P2RY6: variants seen among roughly 807,000 people sequenced by gnomAD.
P2RY6 encodes the protein pyrimidinergic receptor P2Y6, also known as P2Y purinoceptor 6.
P2RY6 carries 19 observed loss-of-function variants against 16.3 expected under a neutral mutation model. The ratio of observed to expected loss-of-function variants is 1.16; its 90% CI spans 0.81 to 1.71. The LOEUF is 1.71. P2RY6 is among the 40% of genes most tolerant of loss of function. The probability of loss-of-function intolerance (pLI) is 0.00; values close to 1 mark genes in which losing one functional copy is unlikely to be tolerated. For synonymous variants in P2RY6, 184 were observed against 201.5 expected (o/e 0.91, Z 0.74); for missense variants, 389 against 455.5 (o/e 0.85, Z 1.33).
At position 73,293,227 on chromosome 11, in the gene P2RY6, GCT is replaced by G. The variant is rs560181292; in HGVS notation, c.-120-2498_-120-2497del. Among the ~76,000 whole-genome samples, 178 of 152,300 alleles carry G rather than the reference GCT, an allele frequency of 1.2e-3. 1 individual carries two copies. Among genetic ancestry groups the G allele is most frequent in the African/African-American group, 4.2e-3 (173 of 41,566 alleles). On this transcript the variant is annotated intron_variant, in intron 1 of 2. Transcript: ENST00000540124. ...ATGGGGAGGCTGGAAAGGGATTCTG[GCT>G]CTCTGGCTGCCACTGGCTGTGTGGG... is the stretch of plus-strand genomic sequence containing the variant.
At chr11:73,290,303 A>AAAGAAAGAAAGAAAGAAAGAAAG (rs1260016714) in intron 1 of P2RY6, among the ~76,000 whole-genome samples, 1 of 113,042 alleles carries the variant, frequency 8.8e-6, no homozygotes, top group Non-Finnish European at 1.8e-5. Flanking sequence ...AGAAAGAAAG[A>AAAGAAAGAAAGAAAGAAAGAAAG]AAAGAAAGAA....
In P2RY6 at chr11:73,272,935, C is replaced by T. The variant is rs577544532; in HGVS notation, c.-121+469C>T. Among the ~76,000 whole-genome samples, 7 of 152,162 alleles carry T rather than the reference C, an allele frequency of 4.6e-5. No homozygotes were observed. In the South Asian group the frequency reaches 1.5e-3, roughly 32 times the overall value. On this transcript the variant is annotated intron_variant, in intron 1 of 2. Coordinates refer to ENST00000540124, the MANE Select transcript of P2RY6 (RefSeq NM_001277204.2). ...TCCTCACGGAGGAGGCTGGGCCCTGCCCTCAGAGCTCCCCAGGAACTTTGG... is the reference window on the plus strand; with the variant it reads ...TCCTCACGGAGGAGGCTGGGCCCTGTCCTCAGAGCTCCCCAGGAACTTTGG...
intron 1 of P2RY6, among the ~76,000 whole-genome samples, chr11:73,290,402 C>A (rs1864193912): frequency 6.6e-6 from 1 of 151,994 alleles, no homozygotes; most frequent in Admixed American, 6.5e-5. Context: ...AGGAGGGAGA[C>A]TGGCTGGGCA....
upstream of P2RY6, among the ~76,000 whole-genome samples, chr11:73,267,718 C>T (rs1197999860): frequency 6.6e-6 from 1 of 152,116 alleles, no homozygotes; most frequent in East Asian, 1.9e-4. Context: ...CTTGAGCTGG[C>T]GACAAGCAGG....
Position 73,296,742 on chromosome 11 carries a change from A to G in P2RY6, c.224A>G (p.Tyr75Cys), listed in dbSNP as rs1864504824. The part of the protein sequence containing the change: ...TLNLALADLL[Y>C]ACSLPLLIYN... ...AACCTTGCTCTGGCTGACCTGCTATATGCCTGCTCCCTGCCCCTGCTCATC... is the reference window on the plus strand; with the variant it reads ...AACCTTGCTCTGGCTGACCTGCTATGTGCCTGCTCCCTGCCCCTGCTCATC... Residue 75 changes from tyrosine to cysteine, a missense_variant, in exon 3 of 3, where the codon TAT (tyrosine) becomes TGT (cysteine). Tyr to Cys is a radical substitution (Grantham distance 194). Coordinates refer to ENST00000540124, the MANE Select transcript of P2RY6 (RefSeq NM_001277204.2). 6.2e-7 allele frequency: 1 copy of G among 1,613,556 alleles called. No individual in the cohort carries two copies. Among genetic ancestry groups the G allele is most frequent in the African/African-American group, 1.3e-5 (1 of 75,002 alleles).
rs945533929 is a variant in P2RY6, at chr11:73,282,421, G to C, written c.-121+9955G>C. The stretch of plus-strand genomic sequence containing the variant: ...AGCCTGGCATTTTGAGGCCTGTTGG[G>C]CCTGGCCCTAATGACCCCACAGCCT... On this transcript the variant is annotated intron_variant, in intron 1 of 2. Transcript: ENST00000540124. Among the ~76,000 whole-genome samples, 5 of 152,144 alleles carry C rather than the reference G, an allele frequency of 3.3e-5. No homozygotes were observed. In the South Asian group the frequency reaches 8.3e-4, roughly 25 times the overall value.
chr11:73,296,508 C>G lies in P2RY6; in HGVS notation c.-11C>G, dbSNP rs778613586. ...AGCCTCCCTGAACATAGGAAACCCA[C>G]CTGGGCAGCCATGGAATGGGACAAT... On this transcript the variant is annotated 5_prime_UTR_variant, in exon 3 of 3. Coordinates refer to ENST00000540124, the MANE Select transcript of P2RY6 (RefSeq NM_001277204.2). The G allele has an allele frequency of 1.9e-6, 3 of 1,610,092 alleles. No individual in the cohort carries two copies. Among genetic ancestry groups the G allele is most frequent in the South Asian group, 2.2e-5 (2 of 91,016 alleles).
intron 1 of P2RY6, among the ~76,000 whole-genome samples, chr11:73,280,665 G>A (rs973472852): frequency 6.6e-6 from 1 of 152,218 alleles, no homozygotes; most frequent in Non-Finnish European, 1.5e-5. Context: ...GGCCTCCCCT[G>A]TCCCTGAGTT....
At chr11:73,265,720 G>A (rs1422493941) in intron 1 of P2RY6, among the ~76,000 whole-genome samples, 1 of 152,176 alleles carries the variant, frequency 6.6e-6, no homozygotes, top group African/African-American at 2.4e-5. Flanking sequence ...CAGGACCCTG[G>A]GGACCACGAA....
intron 1 of P2RY6, among the ~76,000 whole-genome samples, chr11:73,284,081 G>T (rs1323077911): frequency 6.6e-6 from 1 of 152,158 alleles, no homozygotes; most frequent in Non-Finnish European, 1.5e-5. Flanking sequence ...GGCTGGTAGA[G>T]TTGAGGGTAT....
chr11:73,290,277 G>C (rs899080640), intron 1 of P2RY6, among the ~76,000 whole-genome samples: 45 of 131,806 alleles, frequency 3.4e-4, no homozygotes, highest in African/African-American at 1.3e-3. Flanking sequence ...AGAAAAGAAA[G>C]GAAGGAAAGA....
rs375904318 is a variant in P2RY6 at position 73,296,497 on chromosome 11, T to C, written c.-22T>C. The C allele has an allele frequency of 6.6e-5, 106 of 1,608,080 alleles. No individual in the cohort carries two copies. Among genetic ancestry groups the C allele is most frequent in the Admixed American group, 2.5e-4 (15 of 59,896 alleles). On this transcript the variant is annotated 5_prime_UTR_variant, in exon 3 of 3. Coordinates refer to ENST00000540124, the MANE Select transcript of P2RY6 (RefSeq NM_001277204.2). ...ATTGCTTTCCCAGCCTCCCTGAACATAGGAAACCCACCTGGGCAGCCATGG... is the reference window on the plus strand; with the variant it reads ...ATTGCTTTCCCAGCCTCCCTGAACACAGGAAACCCACCTGGGCAGCCATGG...
rs140737060 is a variant in P2RY6, at chr11:73,291,856, T to C, written c.-120-3874T>C. On this transcript the variant is annotated intron_variant, in intron 1 of 2. Transcript: ENST00000540124. ...GGGAAGGGGCTTATCTAGTCAGTGA[T>C]TGGGGGCAAAGGTGGAGTAAGAACC... Among the ~76,000 whole-genome samples, 33 of 152,202 alleles carry C rather than the reference T, an allele frequency of 2.2e-4. No homozygotes were observed. In the East Asian group the frequency reaches 2.3e-3, roughly 11 times the overall value.
intron 1 of P2RY6, chr11:73,292,688 C>A: frequency 2.0e-6 from 1 of 504,314 alleles, no homozygotes; most frequent in Non-Finnish European, 2.6e-6. Flanking sequence ...CTCCTCTAAG[C>A]CCAGTTTCCG....
chr11:73,277,605 C>T (rs188066172), intron 1 of P2RY6, among the ~76,000 whole-genome samples: 18 of 152,330 alleles, frequency 1.2e-4, no homozygotes, highest in Admixed American at 7.8e-4. Flanking sequence ...GTCCCAATTC[C>T]TGCAGGACAA....
rs906044904 is a variant in P2RY6 at position 73,273,319 on chromosome 11, G to A, written c.-121+853G>A. On this transcript the variant is annotated intron_variant, in intron 1 of 2. Coordinates refer to ENST00000540124, the MANE Select transcript of P2RY6 (RefSeq NM_001277204.2). ...AGCTCTAGAATGGGTCATATTCAGG[G>A]AAACTCTCCACCCCTCAGTATCAAT... Among the ~76,000 whole-genome samples the A allele has an allele frequency of 2.6e-4, 40 of 152,102 alleles. 1 individual carries two copies. Among genetic ancestry groups the A allele is most frequent in the Non-Finnish European group, 8.8e-5 (6 of 68,024 alleles).
chr11:73,273,566 A>G (rs1276047058), intron 1 of P2RY6, among the ~76,000 whole-genome samples: 2 of 151,744 alleles, frequency 1.3e-5, no homozygotes, highest in African/African-American at 4.8e-5. Context: ...CTTTTTTTGC[A>G]TTTCCTCACT....
intron 1 of P2RY6, among the ~76,000 whole-genome samples, chr11:73,289,921 G>A (rs746406487): frequency 7.9e-5 from 12 of 152,130 alleles, no homozygotes; most frequent in Non-Finnish European, 1.6e-4. Context: ...CACAGAATAG[G>A]CATTTAAGAA....
At position 73,297,430 on chromosome 11, in the gene P2RY6, C is replaced by T. The variant is rs766361758; in HGVS notation, c.912C>T (p.Thr304=). The change falls in exon 3 of 3, where the codon ACC becomes ACT. Residue 304 remains threonine, a synonymous_variant. Transcript: ENST00000540124. ...SVLDPILFYF[T]QKKFRRRPHE... is the part of the protein sequence containing the mutation. ...TGGACCCCATCCTCTTCTACTTCAC[C>T]CAGAAGAAGTTCCGCCGGCGACCAC... 24 of 1,612,366 alleles carry T rather than the reference C, an allele frequency of 1.5e-5. No individual in the cohort carries two copies. The East Asian group carries it at 4.9e-4, about 33-fold the overall frequency.
Sources: gnomAD v4.1 joint callset for allele counts (sites outside exome capture counted in the v4.1 genomes callset) on GRCh38, gnomAD v4.1.1 for gene constraint, MANE v1.5 for transcripts, NCBI Gene and HGNC (gene_info 2026-07-23, HGNC 2026-07-21) for gene names.